PRKAG1: variants seen among roughly 807,000 people sequenced by gnomAD.
The protein encoded by PRKAG1 is 5'-AMP-activated protein kinase subunit gamma-1.
A neutral mutation model predicts 48.2 loss-of-function variants in PRKAG1; 27 were observed. The ratio of observed to expected loss-of-function variants is 0.56; its 90% CI spans 0.41 to 0.77. PRKAG1 has a LOEUF of 0.77. Among genes scored for constraint, PRKAG1 ranks in the 30% least tolerant of loss-of-function variants. PRKAG1 has a pLI of 0.00. For missense variants in PRKAG1, 287 were observed against 398.3 expected, an observed-to-expected ratio of 0.72 and a Z score of 2.38; for synonymous variants, 130 against 147.7, an observed-to-expected ratio of 0.88 and a Z score of 0.87.
At chr12:49,007,626 T>C (rs1464960197) in intron 2 of PRKAG1, among the ~76,000 whole-genome samples, 3 of 152,188 alleles carry the variant, frequency 2.0e-5, no homozygotes, top group Non-Finnish European at 4.4e-5. Flanking sequence ...AGAACATCTA[T>C]CTACCTTAGT....
At chr12:49,004,815 G>C (rs797002489) in intron 7 of PRKAG1, 149 bp downstream of exon 7, 36 of 114,188 alleles carry the variant, frequency 3.2e-4, no homozygotes, top group African/African-American at 8.7e-4. Context: ...GAGAGAGACT[G>C]TGTGTGTGTG....
Position 49,005,661 on chromosome 12 carries a change from A to G in PRKAG1, c.168+82T>C. 1 of 1,606,236 alleles carries G rather than the reference A, an allele frequency of 6.2e-7. No individual in the cohort carries two copies. Among genetic ancestry groups the G allele is most frequent in the Middle Eastern group, 1.7e-4 (1 of 6,046 alleles). Reference sequence around the variant, plus strand: ...AGACTAACTTCACAGAAGGATAAGGATATTACCCTTAGGATGAGATAGGAT... The same window carrying G: ...AGACTAACTTCACAGAAGGATAAGGGTATTACCCTTAGGATGAGATAGGAT... On this transcript the variant is annotated intron_variant, in intron 3 of 11. Coordinates refer to ENST00000548065, the MANE Select transcript of PRKAG1 (RefSeq NM_002733.5). The surrounding 1 kb of genome is among the most constrained non-coding windows in gnomAD (Gnocchi z 4.1).
Position 49,002,662 on chromosome 12 carries a change from G to A in PRKAG1, c.*237C>T. On this transcript the variant is annotated 3_prime_UTR_variant, in exon 12 of 12. Transcript: ENST00000548065. Reference sequence around the variant, plus strand: ...AAAGGGGGATATATCTAAGAGGACAGGGGCTAGAACTGGCTAGGCTGAAAG... The same window carrying A: ...AAAGGGGGATATATCTAAGAGGACAAGGGCTAGAACTGGCTAGGCTGAAAG... 3 of 602,808 alleles carry A rather than the reference G, an allele frequency of 5.0e-6. No homozygotes were observed. Among genetic ancestry groups the A allele is most frequent in the Non-Finnish European group, 9.1e-6 (3 of 330,466 alleles). 37.3% of individuals were successfully genotyped at this position (602,808 alleles called of 1,614,324 possible). A position where few individuals can be genotyped will look rare whatever the true frequency, so the allele number is the denominator to read the frequency against.
intron 1 of PRKAG1, among the ~76,000 whole-genome samples, chr12:49,013,532 C>T (rs954073669): frequency 6.6e-6 from 1 of 152,174 alleles, no homozygotes; most frequent in Non-Finnish European, 1.5e-5. Context: ...GCACGAGTTA[C>T]TGCACCCAGC....
chr12:49,003,517 C>G (rs201938553), intron 10 of PRKAG1, 41 bp downstream of exon 10: 7 of 1,602,806 alleles, frequency 4.4e-6, no homozygotes, highest in South Asian at 1.1e-5. Context: ...TGCCCCCCCC[C>G]CACCACTTCC....
Position 49,003,597 on chromosome 12 carries a change from T to G in PRKAG1, c.704-2A>C, listed in dbSNP as rs1565731449. The G allele has an allele frequency of 6.5e-7, 1 of 1,534,076 alleles. No individual in the cohort carries two copies. The highest frequency in any genetic ancestry group is 1.8e-5 in the Admixed American group (1 of 56,072). On this transcript the variant is annotated splice_acceptor_variant, in intron 9 of 11. Transcript: ENST00000548065. LOFTEE classifies it high-confidence loss of function. The stretch of plus-strand genomic sequence containing the variant: ...TGGAGTAGATGTCCACCACACGCCC[T>G]AGGGGGACAGAGGCAGCTCAGTAAG...
rs1941364974 is a variant in PRKAG1 at position 49,003,220 on chromosome 12, T to C, written c.812A>G (p.His271Arg). ...GCACTTGAGAACACCCTCAAAGTAA[T>C]GTGATCGATGTTGCAAGGCTTTAGT... Reference protein sequence around the residue: ...SVTKALQHRSHYFEGVLKCYL... With the variant: ...SVTKALQHRSRYFEGVLKCYL... The change falls in exon 11 of 12, where the codon CAT becomes CGT. Residue 271 changes from histidine to arginine, a missense_variant. Physicochemically the swap from His to Arg is conservative, Grantham distance 29 (BLOSUM62 0). This residue lies in a region of PRKAG1 where 224 missense variants were observed against 344.3 expected (regional missense o/e 0.65). Transcript: ENST00000548065. 2 of 1,614,056 alleles carry C rather than the reference T, an allele frequency of 1.2e-6. No homozygotes were observed. Among genetic ancestry groups the C allele is most frequent in the Admixed American group, 3.3e-5 (2 of 60,002 alleles).
At position 49,002,924 on chromosome 12, in the gene PRKAG1, A is replaced by G; in HGVS notation, c.971T>C (p.Leu324Pro). The G allele has an allele frequency of 6.2e-7, 1 of 1,614,168 alleles. No homozygotes were observed. The highest frequency in any genetic ancestry group is 8.5e-7 in the Non-Finnish European group (1 of 1,179,996). Residue 324 changes from leucine (L) to proline (P), a missense_variant, in exon 12 of 12, where the codon CTC (leucine) becomes CCC (proline). By Grantham distance (98) the Leu-to-Pro change is moderately conservative. Transcript: ENST00000548065. ...SLSDILQALV[L>P]TGGEKKP ...TCAGGGCTTCTTCTCTCCACCTGTG[A>G]GCACCAGGGCCTGCAGGATGTCAGA...
In PRKAG1 at chr12:49,013,006, T is replaced by C. The variant is rs1941818946; in HGVS notation, c.58+56A>G. Reference sequence around the variant, plus strand: ...AGATTCAAAAGCATTGTTGAAGACATTGTTAGGGTCAGGCTATTGTTTTCA... The same window carrying C: ...AGATTCAAAAGCATTGTTGAAGACACTGTTAGGGTCAGGCTATTGTTTTCA... On this transcript the variant is annotated intron_variant, in intron 2 of 11. Coordinates refer to ENST00000548065, the MANE Select transcript of PRKAG1 (RefSeq NM_002733.5). 4 of 1,490,468 alleles carry C rather than the reference T, an allele frequency of 2.7e-6. No homozygotes were observed. The African/African-American group carries it at 4.2e-5, about 16-fold the overall frequency. 92.3% of individuals were successfully genotyped at this position (1,490,468 alleles called of 1,614,324 possible).
chr12:49,011,701 T>C (rs1432892032), intron 2 of PRKAG1, among the ~76,000 whole-genome samples: 1 of 151,866 alleles, frequency 6.6e-6, no homozygotes, highest in Admixed American at 6.6e-5. Context: ...CAGCTGGGAT[T>C]ATAGGCGCCC....
intron 1 of PRKAG1, chr12:49,017,465 G>A (rs1942037834): frequency 3.3e-6 from 1 of 303,110 alleles, no homozygotes; most frequent in South Asian, 2.6e-5. Flanking sequence ...ACTTGCCTTG[G>A]CCTCCCAAAG....
intron 7 of PRKAG1, 148 bp downstream of exon 7, chr12:49,004,816 T>C: frequency 4.6e-6 from 1 of 217,070 alleles, no homozygotes. Flanking sequence ...AGAGAGACTG[T>C]GTGTGTGTGT....
rs1475789311 is a variant in PRKAG1 at position 49,003,181 on chromosome 12, G to GTC, written c.849_850dup (p.Thr284ArgfsTer10). On this transcript the variant is annotated frameshift_variant, in exon 11 of 12. Coordinates refer to ENST00000548065, the MANE Select transcript of PRKAG1 (RefSeq NM_002733.5). LOFTEE classifies it high-confidence loss of function. The stretch of plus-strand genomic sequence containing the variant: ...TAGCCTGTTGATGATGGTCTCCAGA[G>GTC]TCTCATGCAGGTAGCACTTGAGAAC... 1.2e-6 allele frequency: 2 copies of GTC among 1,614,184 alleles called. No individual in the cohort carries two copies. The highest frequency in any genetic ancestry group is 1.7e-6 in the Non-Finnish European group (2 of 1,180,036).
In PRKAG1 at chr12:49,006,376, A is replaced by T. The variant is rs188210144; in HGVS notation, c.59-524T>A. Among the ~76,000 whole-genome samples, 360 of 150,604 alleles carry T rather than the reference A, an allele frequency of 2.4e-3. 2 individuals carry two copies. The highest frequency in any genetic ancestry group is 7.7e-3 in the African/African-American group (316 of 41,060). On this transcript the variant is annotated intron_variant, in intron 2 of 11. Transcript: ENST00000548065. ...AACACAGCGAACCCCTGTCTCAATT[A>T]AAAAAAAAATTATTCTAAGACCTGC...
Position 49,002,913 on chromosome 12 carries a change from C to T in PRKAG1, c.982G>A (p.Glu328Lys). 1.2e-6 allele frequency: 2 copies of T among 1,614,186 alleles called. No homozygotes were observed. The highest frequency in any genetic ancestry group is 1.7e-6 in the Non-Finnish European group (2 of 1,179,986). Residue 328 changes from glutamate (E) to lysine (K), a missense_variant, in exon 12 of 12, where the codon GAG becomes AAG. Physicochemically the swap from Glu to Lys is moderately conservative, Grantham distance 56. This residue lies in a region of PRKAG1 where 224 missense variants were observed against 344.3 expected (regional missense o/e 0.65). Transcript: ENST00000548065. ...CTTCCCCCAGCTCAGGGCTTCTTCT[C>T]TCCACCTGTGAGCACCAGGGCCTGC... ...ILQALVLTGG[E>K]KKP
At chr12:49,017,343 G>A (rs1043531829) in intron 1 of PRKAG1, 2 of 365,666 alleles carry the variant, frequency 5.5e-6, no homozygotes, top group African/African-American at 5.1e-5. Context: ...TGGGACTACA[G>A]GCACACACCA....
At chr12:49,012,784 C>A (rs1860804714) in intron 2 of PRKAG1, 1 of 440,924 alleles carries the variant, frequency 2.3e-6, no homozygotes, top group Non-Finnish European at 4.1e-6. Context: ...ACTTCTAAAA[C>A]ATGGTAGCCA....
At chr12:49,008,849 G>A (rs915662607) in intron 2 of PRKAG1, among the ~76,000 whole-genome samples, 11 of 152,128 alleles carry the variant, frequency 7.2e-5, no homozygotes, top group African/African-American at 2.4e-4. Flanking sequence ...AAACTCATAG[G>A]ATCTCTGTTT....
chr12:49,017,164 CCA>C (rs1285474653), intron 1 of PRKAG1: 1 of 455,908 alleles, frequency 2.2e-6, no homozygotes, highest in Non-Finnish European at 4.4e-6. Context: ...CACCATCACT[CCA>C]GTTAGGCTGA....
Sources: gnomAD v4.1 joint callset for allele counts (sites outside exome capture counted in the v4.1 genomes callset) on GRCh38, gnomAD v4.1.1 for gene constraint, gnomAD v4.1.1 regional missense constraint, Gnocchi (gnomAD v3.1) non-coding constraint, MANE v1.5 for transcripts, NCBI Gene and HGNC (gene_info 2026-07-23, HGNC 2026-07-21) for gene names.